FLI1: variants seen among roughly 807,000 people sequenced by gnomAD.
FLI1 encodes Fli-1 proto-oncogene, ETS transcription factor.
FLI1 carries 13 observed loss-of-function variants against 53.1 expected under a neutral mutation model. The observed-to-expected ratio is 0.24, with a 90% confidence interval of 0.16 to 0.39. The LOEUF (loss-of-function observed/expected upper bound fraction) is 0.39, where lower values mean the gene tolerates loss of function less well. Ranked by LOEUF, FLI1 falls within the 10% of genes least tolerant of loss-of-function variation. FLI1 has a pLI of 1.00. For missense variants in FLI1, 424 were observed against 600.5 expected, an observed-to-expected ratio of 0.71 and a Z score of 3.07; for synonymous variants, 244 against 236.7, an observed-to-expected ratio of 1.03 and a Z score of -0.28.
rs191222675 is a variant in FLI1, at chr11:128,802,729, A to G, written c.656-2637A>G. On this transcript the variant is annotated intron_variant, in intron 5 of 8. Coordinates refer to ENST00000527786, the MANE Select transcript of FLI1 (RefSeq NM_002017.5). ...CCTTCCTAAGGCCCTGGGGCACCAC[A>G]GAAAGATGGGCCTGCCAAGCCACTG... Among the ~76,000 whole-genome samples the G allele has an allele frequency of 5.9e-5, 9 of 152,372 alleles. No individual in the cohort carries two copies. The East Asian group carries it at 1.3e-3, about 23-fold the overall frequency.
chr11:128,764,893 T>C, intron 2 of FLI1: 2 of 1,505,652 alleles, frequency 1.3e-6, no homozygotes, highest in Non-Finnish European at 1.8e-6. Context: ...GGAACCAGGA[T>C]GGTGCCAGCC....
intron 4 of FLI1, among the ~76,000 whole-genome samples, chr11:128,778,239 G>C (rs187804506): frequency 1.3e-5 from 2 of 152,112 alleles, no homozygotes; most frequent in East Asian, 1.9e-4. Context: ...ACAACACAGA[G>C]AGAAGTGCAA....
chr11:128,795,672 T>C (rs1277487115), intron 5 of FLI1, among the ~76,000 whole-genome samples: 1 of 149,696 alleles, frequency 6.7e-6, no homozygotes, highest in Non-Finnish European at 1.5e-5. Flanking sequence ...TGCCTCAGCC[T>C]CCCGAGTAGC....
chr11:128,713,180 A>G (rs1236975412), intron 1 of FLI1, among the ~76,000 whole-genome samples: 1 of 152,220 alleles, frequency 6.6e-6, no homozygotes, highest in Non-Finnish European at 1.5e-5. Flanking sequence ...TAATGGTCTT[A>G]GGGGTGATGA....
chr11:128,779,981 A>G (rs1032508130), intron 4 of FLI1, among the ~76,000 whole-genome samples: 3 of 152,218 alleles, frequency 2.0e-5, no homozygotes, highest in Non-Finnish European at 2.9e-5. Flanking sequence ...GTATTTGTGC[A>G]TCTAACTTTT....
intron 1 of FLI1, among the ~76,000 whole-genome samples, chr11:128,727,003 A>G (rs1148074): frequency 0.062 from 9,469 of 152,118 alleles, 427 homozygotes; most frequent in South Asian, 0.15. Context: ...TACTGATTGC[A>G]TGGTGGCCCT....
intron 1 of FLI1, among the ~76,000 whole-genome samples, chr11:128,704,489 C>G (rs1565457495): frequency 6.6e-6 from 1 of 152,182 alleles, no homozygotes; most frequent in Admixed American, 6.5e-5. Flanking sequence ...CCAAAACACT[C>G]TTTGGCTCCA....
At chr11:128,759,757 A>G (rs775425518) in intron 2 of FLI1, among the ~76,000 whole-genome samples, 1 of 152,266 alleles carries the variant, frequency 6.6e-6, no homozygotes, top group Non-Finnish European at 1.5e-5. Flanking sequence ...TAGAACATCC[A>G]GATAAAAACG....
intron 5 of FLI1, among the ~76,000 whole-genome samples, chr11:128,788,460 C>T (rs555059421): frequency 1.3e-5 from 2 of 152,142 alleles, no homozygotes; most frequent in Admixed American, 6.5e-5. Context: ...CAGAGTGAGA[C>T]TCTGTCTCAA....
rs1217633818 is a variant in FLI1 at position 128,782,569 on chromosome 11, G to A, written c.655+546G>A. 4.6e-5 allele frequency among the ~76,000 whole-genome samples: 7 copies of A among 152,102 alleles called. 1 individual carries two copies. The highest frequency in any genetic ancestry group is 4.1e-4 in the South Asian group (2 of 4,826). ...AAAAATTAGCCAGGTGTGGTGGCAGGTACCTGTAATTCCAGCTACTCAGGA... is the reference window on the plus strand; with the variant it reads ...AAAAATTAGCCAGGTGTGGTGGCAGATACCTGTAATTCCAGCTACTCAGGA... On this transcript the variant is annotated intron_variant, in intron 5 of 8. Transcript: ENST00000527786.
At chr11:128,776,285 T>TC (rs1196653615) in intron 4 of FLI1, among the ~76,000 whole-genome samples, 1 of 145,984 alleles carries the variant, frequency 6.9e-6, no homozygotes, top group Admixed American at 6.8e-5. Flanking sequence ...CGCCCACCCC[T>TC]CCCCCCCACC....
chr11:128,794,200 A>C (rs56275778), intron 5 of FLI1, among the ~76,000 whole-genome samples: 1 of 152,090 alleles, frequency 6.6e-6, no homozygotes, highest in South Asian at 2.1e-4. Context: ...TGCTTGGTTC[A>C]CAATAGAAGT....
chr11:128,711,034 T>A (rs575800764), intron 1 of FLI1, among the ~76,000 whole-genome samples: 1 of 152,328 alleles, frequency 6.6e-6, no homozygotes, highest in East Asian at 1.9e-4. Context: ...TCTACAAACA[T>A]GGAAATGTCC....
chr11:128,686,706 GACA>G, intron 1 of FLI1: 1 of 341,386 alleles, frequency 2.9e-6, no homozygotes, highest in Non-Finnish European at 5.9e-6. Context: ...ATCAAGGTAA[GACA>G]TGGCAGCGTC....
Position 128,694,173 on chromosome 11 carries a change from C to G in FLI1, c.-86C>G. 1 of 1,442,344 alleles carries G rather than the reference C, an allele frequency of 6.9e-7. No individual in the cohort carries two copies. The highest frequency in any genetic ancestry group is 9.2e-7 in the Non-Finnish European group (1 of 1,085,654). The allele number at this position is 1,442,344 out of a possible 1,614,324, so 89.3% of individuals were successfully genotyped here. A position where few individuals can be genotyped will look rare whatever the true frequency, so the allele number is the denominator to read the frequency against. ...GCCCAGGGCGCCAGGGAGGCCGCGC[C>G]GGGCTAATCCGAAGGGGCTGCGAGG... is the stretch of plus-strand genomic sequence containing the variant. On this transcript the variant is annotated 5_prime_UTR_variant, in exon 1 of 9. Coordinates refer to ENST00000527786, the MANE Select transcript of FLI1 (RefSeq NM_002017.5).
chr11:128,805,140 G>C (rs1240428814), intron 5 of FLI1: 3 of 415,866 alleles, frequency 7.2e-6, no homozygotes, highest in African/African-American at 6.2e-5. Context: ...TTCACATTCA[G>C]GGTTCTTCCC....
intron 5 of FLI1, among the ~76,000 whole-genome samples, chr11:128,787,132 G>A (rs1167312725): frequency 6.6e-6 from 1 of 152,190 alleles, no homozygotes; most frequent in Non-Finnish European, 1.5e-5. Flanking sequence ...ATGTTAACGA[G>A]AGGCTGGCTT....
chr11:128,730,193 T>C (rs551218334), intron 1 of FLI1, among the ~76,000 whole-genome samples: 3 of 152,224 alleles, frequency 2.0e-5, no homozygotes, highest in Admixed American at 1.3e-4. Context: ...ATTTGTTAAG[T>C]GTGTACTGTG....
At chr11:128,694,008 C>G (rs1240657939), upstream of FLI1, 1 of 348,084 alleles carries the variant, frequency 2.9e-6, no homozygotes. Flanking sequence ...ACTTCCTCCC[C>G]GATTCGCAAA....
Sources: gnomAD v4.1 joint callset for allele counts (sites outside exome capture counted in the v4.1 genomes callset) on GRCh38, gnomAD v4.1.1 for gene constraint, MANE v1.5 for transcripts, NCBI Gene and HGNC (gene_info 2026-07-23, HGNC 2026-07-21) for gene names.